The following ETNK2 variants were observed in gnomAD, a reference collection of about 807,000 sequenced individuals.
ETNK2 encodes ethanolamine kinase-like protein.
A neutral mutation model predicts 46.2 loss-of-function variants in ETNK2; 33 were observed. That is an observed-to-expected ratio of 0.71 (90% CI 0.54 to 0.96). The LOEUF is 0.96. Ranked by LOEUF, ETNK2 falls within the 40% of genes least tolerant of loss-of-function variation. ETNK2 has a pLI of 0.00. For missense variants in ETNK2, 445 were observed against 509.7 expected (o/e 0.87, Z 1.22); for synonymous variants, 194 against 209.0 (o/e 0.93, Z 0.62).
chr1:204,146,638 G>C lies in ETNK2; in HGVS notation c.641+4C>G. The stretch of plus-strand genomic sequence containing the variant: ...CAGCCTTGGACCCTCCCAGATCTTT[G>C]TACCTGGGGTTGATCTCGTTCTTCA... On this transcript the variant is annotated splice_donor_region_variant and intron_variant, in intron 3 of 7. Coordinates refer to ENST00000367202, the MANE Select transcript of ETNK2 (RefSeq NM_018208.4). 1 of 1,613,970 alleles carries C rather than the reference G, an allele frequency of 6.2e-7. No homozygotes were observed. The highest frequency in any genetic ancestry group is 8.5e-7 in the Non-Finnish European group (1 of 1,179,872).
intron 5 of ETNK2, 26 bp downstream of exon 5, chr1:204,140,009 C>A: frequency 6.2e-7 from 1 of 1,600,254 alleles, no homozygotes; most frequent in Non-Finnish European, 8.6e-7. Context: ...CTACAAAGCA[C>A]ATGACTGTAG....
rs1178272880 is a variant in ETNK2, at chr1:204,149,559, C to T, written c.518+144G>A. 3.0e-6 allele frequency: 3 copies of T among 1,006,800 alleles called. No individual in the cohort carries two copies. The African/African-American group carries it at 4.9e-5, about 16-fold the overall frequency. The allele number at this position is 1,006,800 out of a possible 1,614,324, so 62.4% of individuals were successfully genotyped here. On this transcript the variant is annotated intron_variant, in intron 2 of 7. Coordinates refer to ENST00000367202, the MANE Select transcript of ETNK2 (RefSeq NM_018208.4). Reference sequence around the variant, plus strand: ...AAAGCGATAGCCCCTCTCTGCAGAGCAATGCATATAAACATGCATTTTTCA... The same window carrying T: ...AAAGCGATAGCCCCTCTCTGCAGAGTAATGCATATAAACATGCATTTTTCA...
intron 7 of ETNK2, among the ~76,000 whole-genome samples, chr1:204,133,871 C>A (rs961835302): frequency 9.2e-5 from 14 of 152,298 alleles, no homozygotes; most frequent in African/African-American, 3.4e-4. Context: ...TAGTTGTGAA[C>A]ACTTTGAAAC....
At chr1:204,138,412 A>G (rs994600288) in intron 5 of ETNK2, among the ~76,000 whole-genome samples, 6 of 152,186 alleles carry the variant, frequency 3.9e-5, no homozygotes, top group African/African-American at 1.4e-4. Context: ...GTGGGCAAGG[A>G]GGACTTAAAA....
chr1:204,150,848 C>G (rs183449254), intron 1 of ETNK2, among the ~76,000 whole-genome samples: 3 of 152,316 alleles, frequency 2.0e-5, no homozygotes, highest in African/African-American at 7.2e-5. Flanking sequence ...CACCCCACCC[C>G]AGAATGCCTG....
chr1:204,133,721 C>T (rs1320751640), intron 7 of ETNK2, among the ~76,000 whole-genome samples: 7 of 151,920 alleles, frequency 4.6e-5, no homozygotes, highest in South Asian at 2.1e-4. Flanking sequence ...TTAGTAGAGA[C>T]GGGGTTTCAC....
rs1165207528 is a variant in ETNK2 at position 204,149,926 on chromosome 1, A to G, written c.295T>C (p.Cys99Arg). Residue 99 changes from cysteine to arginine, a missense_variant, in exon 2 of 8, where the codon TGC becomes CGC. Physicochemically the swap from Cys to Arg is radical, Grantham distance 180. Coordinates refer to ENST00000367202, the MANE Select transcript of ETNK2 (RefSeq NM_018208.4). ...TDGITNKLVA[C>R]YVEEDMQDCV... ...TCCTGCATGTCCTCCTCCACATAGC[A>G]GGCCACCAGCTTGTTGGTGATGCCA... 1 of 1,355,672 alleles carries G rather than the reference A, an allele frequency of 7.4e-7. No homozygotes were observed. The allele number at this position is 1,355,672 out of a possible 1,614,324, so 84.0% of individuals were successfully genotyped here.
chr1:204,137,346 A>C, intron 5 of ETNK2, 97 bp from the exon 6 acceptor site: 2 of 1,410,332 alleles, frequency 1.4e-6, no homozygotes, highest in Non-Finnish European at 1.9e-6. Context: ...TCAAACTCCC[A>C]TCTCCTTTGA....
At position 204,141,053 on chromosome 1, in the gene ETNK2, T is replaced by C. The variant is rs372473238; in HGVS notation, c.784+262A>G. The C allele has an allele frequency of 1.0e-3, 545 of 523,676 alleles. 2 individuals are homozygous for C. Among genetic ancestry groups the C allele is most frequent in the Non-Finnish European group, 1.7e-3 (468 of 280,548 alleles). 32.4% of individuals were successfully genotyped at this position (523,676 alleles called of 1,614,324 possible). On this transcript the variant is annotated intron_variant, in intron 4 of 7. Coordinates refer to ENST00000367202, the MANE Select transcript of ETNK2 (RefSeq NM_018208.4). ...ATTGCCTGGGCTGGTCTTGAATTCC[T>C]GGGCTTAAGCAATCCACATGCCTTG...
chr1:204,141,152 A>T (rs567994051), intron 4 of ETNK2, 163 bp downstream of exon 4: 7 of 901,934 alleles, frequency 7.8e-6, no homozygotes, highest in South Asian at 7.1e-5. Context: ...CAAAGTGGGA[A>T]TTTTTTATTT....
intron 7 of ETNK2, among the ~76,000 whole-genome samples, chr1:204,133,539 T>A (rs200872047): frequency 3.9e-3 from 294 of 74,688 alleles, no homozygotes; most frequent in African/African-American, 0.015. Flanking sequence ...ATTTTATTTT[T>A]TTTTTTTTTT....
At position 204,132,401 on chromosome 1, in the gene ETNK2, T is replaced by C. The variant is rs1015193343; in HGVS notation, c.1089-145A>G. 12 of 625,620 alleles carry C rather than the reference T, an allele frequency of 1.9e-5. No homozygotes were observed. The Admixed American group carries it at 2.6e-4, about 13-fold the overall frequency. The allele number at this position is 625,620 out of a possible 1,614,324, so 38.8% of individuals were successfully genotyped here. A position where few individuals can be genotyped will look rare whatever the true frequency, so the allele number is the denominator to read the frequency against. ...ATCAACCCCAACCCAGACTGATTAG[T>C]ATTATTATTTCTTTTGCTTCTTTTT... On this transcript the variant is annotated intron_variant, in intron 7 of 7. Transcript: ENST00000367202.
Position 204,151,692 on chromosome 1 carries a change from A to C in ETNK2, c.161T>G (p.Phe54Cys). The C allele has an allele frequency of 6.5e-7, 1 of 1,545,796 alleles. No homozygotes were observed. Among genetic ancestry groups the C allele is most frequent in the Non-Finnish European group, 8.7e-7 (1 of 1,145,108 alleles). The change falls in exon 1 of 8, where the codon TTC becomes TGC. Residue 54 changes from phenylalanine to cysteine, a missense_variant. Physicochemically the swap from Phe to Cys is radical, Grantham distance 205. Transcript: ENST00000367202. The surrounding 1 kb of genome is among the most constrained non-coding windows in gnomAD (Gnocchi z 8.0). ...GPPRAAAVAYFGISVDPDDIL... is the reference protein window; with the variant it reads ...GPPRAAAVAYCGISVDPDDIL... ...GTCGTCCGGGTCCACGGAAATGCCG[A>C]AGTACGCGACGGCGGCGGCCCTCGG... is the stretch of plus-strand genomic sequence containing the variant.
At chr1:204,146,502 G>T in intron 3 of ETNK2, 140 bp downstream of exon 3, 1 of 981,542 alleles carries the variant, frequency 1.0e-6, no homozygotes, top group Non-Finnish European at 1.5e-6. Context: ...GACTAGGACT[G>T]AAGGGACTGC....
In ETNK2 at chr1:204,151,882, G is replaced by A. The variant is rs1221005226; in HGVS notation, c.-30C>T. ...AGCAGCCCCACCCCCTCGGAGCCGC[G>A]GCAGACGCTAGCCCCGGCGGGGGGG... On this transcript the variant is annotated 5_prime_UTR_variant, in exon 1 of 8. Coordinates refer to ENST00000367202, the MANE Select transcript of ETNK2 (RefSeq NM_018208.4). This position sits in a 1 kb window ranked among gnomAD's most constrained non-coding sequence, Gnocchi z 8.0. 1 of 1,416,556 alleles carries A rather than the reference G, an allele frequency of 7.1e-7. No homozygotes were observed. The highest frequency in any genetic ancestry group is 9.2e-7 in the Non-Finnish European group (1 of 1,091,566). 87.7% of individuals were successfully genotyped at this position (1,416,556 alleles called of 1,614,324 possible).
chr1:204,141,289 C>A (rs376360235), intron 4 of ETNK2, 26 bp downstream of exon 4: 1 of 1,613,968 alleles, frequency 6.2e-7, no homozygotes, highest in Admixed American at 1.7e-5. Flanking sequence ...AACCCTGCTG[C>A]TGCCCCAGGG....
rs1388672684 is a variant in ETNK2, at chr1:204,151,821, C to T, written c.32G>A (p.Arg11His). ...GTGCCTCCTCAGGTGAAAGGACGCG[C>T]GCGGCTGAGGGGCCGAAGGGGGCAC... MAVPPSAPQP[R>H]ASFHLRRHTP... The change falls in exon 1 of 8, where the codon CGC becomes CAC. Residue 11 changes from arginine (R) to histidine (H), a missense_variant. Arg to His is a conservative substitution (Grantham distance 29). Coordinates refer to ENST00000367202, the MANE Select transcript of ETNK2 (RefSeq NM_018208.4). The surrounding 1 kb of genome is among the most constrained non-coding windows in gnomAD (Gnocchi z 8.0). 2.7e-6 allele frequency: 4 copies of T among 1,478,392 alleles called. No homozygotes were observed. The South Asian group carries it at 5.6e-5, about 21-fold the overall frequency. The allele number at this position is 1,478,392 out of a possible 1,614,324, so 91.6% of individuals were successfully genotyped here.
Position 204,151,420 on chromosome 1 carries a change from C to A in ETNK2, c.258+175G>T. 1.0e-6 allele frequency: 1 copy of A among 956,340 alleles called. No individual in the cohort carries two copies. Among genetic ancestry groups the A allele is most frequent in the East Asian group, 2.9e-5 (1 of 34,224 alleles). 59.2% of individuals were successfully genotyped at this position (956,340 alleles called of 1,614,324 possible). ...TGTGCAGGGCCAAGGGAGGTGTGAG[C>A]CTAGTTTTGGTAGCGACGAAATCAA... is the stretch of plus-strand genomic sequence containing the variant. On this transcript the variant is annotated intron_variant, in intron 1 of 7. Transcript: ENST00000367202. This position sits in a 1 kb window ranked among gnomAD's most constrained non-coding sequence, Gnocchi z 8.0.
At position 204,132,209 on chromosome 1, in the gene ETNK2, G is replaced by C. The variant is rs1355014892; in HGVS notation, c.1136C>G (p.Ala379Gly). The C allele has an allele frequency of 4.4e-6, 7 of 1,573,854 alleles. No homozygotes were observed. Among genetic ancestry groups the C allele is most frequent in the East Asian group, 2.3e-5 (1 of 42,876 alleles). Residue 379 changes from alanine to glycine, a missense_variant, in exon 8 of 8, where the codon GCG becomes GGG. Physicochemically the swap from Ala to Gly is moderately conservative, Grantham distance 60. Transcript: ENST00000367202. ...FNQYFKVKPQ[A>G]SALEMPK ...TCACTTTGGCATCTCCAAGGCTGACGCTTGAGGCTTCACCTTGAAGTACTG... is the reference window on the plus strand; with the variant it reads ...TCACTTTGGCATCTCCAAGGCTGACCCTTGAGGCTTCACCTTGAAGTACTG...
Sources: allele counts gnomAD v4.1 joint callset (sites outside exome capture counted in the v4.1 genomes callset), GRCh38; gene constraint gnomAD v4.1.1; non-coding constraint Gnocchi (gnomAD v3.1); transcripts MANE v1.5; gene names NCBI Gene and HGNC (gene_info 2026-07-23, HGNC 2026-07-21).